PTPRD: variants seen among roughly 807,000 people sequenced by gnomAD.
The protein encoded by PTPRD is protein tyrosine phosphatase receptor type D, also known as receptor-type tyrosine-protein phosphatase delta.
PTPRD carries 34 observed loss-of-function variants against 214.5 expected under a neutral mutation model. That is an observed-to-expected ratio of 0.16 (90% CI 0.12 to 0.21). The LOEUF (loss-of-function observed/expected upper bound fraction) is 0.21, where lower values mean the gene tolerates loss of function less well. Ranked by LOEUF, PTPRD falls within the 10% of genes least tolerant of loss-of-function variation. PTPRD has a pLI of 1.00. For missense variants in PTPRD, 2,545 were observed against 2,398.7 expected, an observed-to-expected ratio of 1.06 and a Z score of -1.27; for synonymous variants, 1,128 against 845.7, an observed-to-expected ratio of 1.33 and a Z score of -5.79.
intron 9 of PTPRD, among the ~76,000 whole-genome samples, chr9:9,361,525 T>C (rs919971234): frequency 3.3e-5 from 5 of 150,024 alleles, no homozygotes; most frequent in Non-Finnish European, 7.5e-5. Context: ...ACTGTTGATC[T>C]TTTTTTTTAT....
chr9:9,377,210 A>G (rs1407805212), intron 9 of PTPRD, among the ~76,000 whole-genome samples: 1 of 152,144 alleles, frequency 6.6e-6, no homozygotes, highest in African/African-American at 2.4e-5. Context: ...ACATAGATAT[A>G]TATGAATACA....
chr9:9,412,602 G>C (rs2075809505), intron 8 of PTPRD, among the ~76,000 whole-genome samples: 1 of 151,952 alleles, frequency 6.6e-6, no homozygotes, highest in Non-Finnish European at 1.5e-5. Flanking sequence ...TACGCGAAGG[G>C]GTTTAGACTC....
chr9:9,558,837 C>G (rs574922862), intron 8 of PTPRD, among the ~76,000 whole-genome samples: 14 of 152,292 alleles, frequency 9.2e-5, no homozygotes, highest in Middle Eastern at 3.4e-3. Context: ...CGGGGACACC[C>G]TTCCTAACAG....
intron 3 of PTPRD, among the ~76,000 whole-genome samples, chr9:10,051,712 G>GTTCT (rs1160132823): frequency 7.9e-5 from 12 of 151,908 alleles, no homozygotes; most frequent in Non-Finnish European, 1.5e-5. Context: ...TCAAGGAATG[G>GTTCT]TGTATTGCTT....
chr9:9,249,287 G>T (rs1277379767), intron 9 of PTPRD, among the ~76,000 whole-genome samples: 1 of 151,978 alleles, frequency 6.6e-6, no homozygotes, highest in Non-Finnish European at 1.5e-5. Flanking sequence ...GGCTACCTGA[G>T]GGCTCACCAG....
At chr9:10,379,024 T>A (rs985074044) in intron 2 of PTPRD, among the ~76,000 whole-genome samples, 13 of 152,028 alleles carry the variant, frequency 8.6e-5, no homozygotes, top group African/African-American at 3.1e-4. Flanking sequence ...ATTATAGAGA[T>A]CTTTCACTTC....
chr9:10,540,898 A>G (rs1461112862), intron 2 of PTPRD, among the ~76,000 whole-genome samples: 2 of 152,166 alleles, frequency 1.3e-5, no homozygotes, highest in Non-Finnish European at 1.5e-5. Context: ...AGCAGAGGCC[A>G]AAGAATGAAA....
At chr9:10,064,645 G>C (rs1404704072) in intron 3 of PTPRD, among the ~76,000 whole-genome samples, 1 of 151,804 alleles carries the variant, frequency 6.6e-6, no homozygotes, top group Non-Finnish European at 1.5e-5. Context: ...CAAAAGGGGA[G>C]ATGTATTTGA....
At chr9:9,081,806 T>G (rs1423832654) in intron 10 of PTPRD, among the ~76,000 whole-genome samples, 1 of 151,700 alleles carries the variant, frequency 6.6e-6, no homozygotes, top group African/African-American at 2.4e-5. Flanking sequence ...TATCAGAGAC[T>G]AGGATTGCAA....
At chr9:10,558,275 T>C (rs983467402) in intron 2 of PTPRD, among the ~76,000 whole-genome samples, 1 of 152,172 alleles carries the variant, frequency 6.6e-6, no homozygotes, top group Non-Finnish European at 1.5e-5. Context: ...TAAATTGTAT[T>C]AAAATCCAAT....
At chr9:10,502,930 G>T (rs1219317639) in intron 2 of PTPRD, among the ~76,000 whole-genome samples, 1 of 151,904 alleles carries the variant, frequency 6.6e-6, no homozygotes. Flanking sequence ...ATACATAGCA[G>T]AAAGCCATAG....
intron 11 of PTPRD, among the ~76,000 whole-genome samples, chr9:8,968,595 T>G (rs1589059518): frequency 6.6e-6 from 1 of 152,192 alleles, no homozygotes; most frequent in African/African-American, 2.4e-5. Flanking sequence ...ATAATCTTAT[T>G]GGGTTCATTA....
chr9:9,922,716 C>A (rs2082918294), intron 5 of PTPRD, among the ~76,000 whole-genome samples: 2 of 151,898 alleles, frequency 1.3e-5, no homozygotes, highest in Admixed American at 1.3e-4. Flanking sequence ...TTTAAAAAAC[C>A]AGTAGAACAT....
chr9:8,793,895 A>C (rs1386755202), intron 11 of PTPRD, among the ~76,000 whole-genome samples: 2 of 152,220 alleles, frequency 1.3e-5, no homozygotes, highest in Non-Finnish European at 2.9e-5. Flanking sequence ...TCAAAACTGA[A>C]GGCTATCAGA....
At chr9:9,892,319 C>T (rs182413817) in intron 5 of PTPRD, among the ~76,000 whole-genome samples, 1 of 152,190 alleles carries the variant, frequency 6.6e-6, no homozygotes, top group Non-Finnish European at 1.5e-5. Flanking sequence ...AAGGAACAGT[C>T]CCCGCTGGCT....
chr9:9,403,178 G>A (rs1324297423), intron 8 of PTPRD, among the ~76,000 whole-genome samples: 4 of 148,178 alleles, frequency 2.7e-5, no homozygotes, highest in Non-Finnish European at 6.0e-5. Context: ...GTAATCCCAG[G>A]TACTTGGGTG....
intron 11 of PTPRD, among the ~76,000 whole-genome samples, chr9:8,977,768 G>C (rs2099276645): frequency 6.6e-6 from 1 of 150,864 alleles, no homozygotes; most frequent in South Asian, 2.1e-4. Context: ...GGCATATCTT[G>C]GAAGGAGACA....
chr9:9,367,746 C>G (rs1444813246), intron 9 of PTPRD, among the ~76,000 whole-genome samples: 1 of 151,676 alleles, frequency 6.6e-6, no homozygotes, highest in African/African-American at 2.4e-5. Flanking sequence ...CTATCACAGG[C>G]TCACATATTA....
At chr9:8,929,780 G>GTGTATATATATGT (rs1272978143) in intron 11 of PTPRD, among the ~76,000 whole-genome samples, 1 of 82,418 alleles carries the variant, frequency 1.2e-5, no homozygotes, top group African/African-American at 5.8e-5. Context: ...TATATATATG[G>GTGTATATATATGT]GTGTGTATAT....
Sources: allele counts gnomAD v4.1 joint callset (sites outside exome capture counted in the v4.1 genomes callset), GRCh38; gene constraint gnomAD v4.1.1; transcripts MANE v1.5; gene names NCBI Gene and HGNC (gene_info 2026-07-23, HGNC 2026-07-21).